ANXA6: variants seen among roughly 807,000 people sequenced by gnomAD.
The protein encoded by ANXA6 is annexin A6.
A neutral mutation model predicts 95.4 loss-of-function variants in ANXA6; 71 were observed. The observed-to-expected ratio is 0.74, with a 90% CI of 0.61 to 0.91. The LOEUF is 0.91. Among genes scored for constraint, ANXA6 ranks in the 40% least tolerant of loss-of-function variants. The pLI, the probability that ANXA6 is intolerant of heterozygous loss-of-function variation, is 0.00. For synonymous variants in ANXA6, 289 were observed against 315.9 expected, an observed-to-expected ratio of 0.91 and a Z score of 0.90; for missense variants, 830 against 876.4, an observed-to-expected ratio of 0.95 and a Z score of 0.67.
At chr5:151,137,160 G>A in intron 6 of ANXA6, 71 bp downstream of exon 6, 1 of 1,305,198 alleles carries the variant, frequency 7.7e-7, no homozygotes, top group Non-Finnish European at 1.1e-6. Flanking sequence ...TAGAATCTTA[G>A]TGTCCCCACT....
Position 151,129,469 on chromosome 5 carries a change from T to C in ANXA6, c.856A>G (p.Met286Val), listed in dbSNP as rs1582000260. 6.2e-7 allele frequency: 1 copy of C among 1,613,086 alleles called. No homozygotes were observed. Among genetic ancestry groups the C allele is most frequent in the Admixed American group, 1.7e-5 (1 of 59,940 alleles). ...CGGAAGATCTCCCGAATGTCGAGCA[T>C]GTCCAACTCACTACGGGAGACCATG... ...RIMVSRSELDMLDIREIFRTK... is the reference protein window; with the variant it reads ...RIMVSRSELDVLDIREIFRTK... Residue 286 changes from methionine to valine, a missense_variant, in exon 12 of 26, where the codon ATG becomes GTG. By Grantham distance (21) the Met-to-Val change is conservative (BLOSUM62 1). Coordinates refer to ENST00000354546, the MANE Select transcript of ANXA6 (RefSeq NM_001155.5).
At chr5:151,103,479 G>T in intron 25 of ANXA6, 91 bp downstream of exon 25, 1 of 1,369,128 alleles carries the variant, frequency 7.3e-7, no homozygotes, top group Non-Finnish European at 9.8e-7. Flanking sequence ...TAACCCACTG[G>T]AAAAAAGTCC....
chr5:151,154,617 C>A (rs938163100), intron 1 of ANXA6, among the ~76,000 whole-genome samples: 12 of 152,162 alleles, frequency 7.9e-5, no homozygotes, highest in African/African-American at 2.7e-4. Flanking sequence ...CCTCCAGGAG[C>A]CTTGATTCTG....
chr5:151,107,700 T>A (rs948803808), intron 23 of ANXA6, among the ~76,000 whole-genome samples: 3 of 152,254 alleles, frequency 2.0e-5, no homozygotes, highest in African/African-American at 7.2e-5. Flanking sequence ...TGAATATTAA[T>A]GAGAATAACT....
chr5:151,119,245 A>G (rs1347709361), intron 18 of ANXA6, 55 bp downstream of exon 18: 36 of 1,463,394 alleles, frequency 2.5e-5, no homozygotes, highest in Non-Finnish European at 3.2e-5. Context: ...TGGGGTTGGA[A>G]GTTGGGGGGC....
chr5:151,108,597 G>A (rs368758083), intron 22 of ANXA6, 47 bp from the exon 23 acceptor site: 1 of 1,550,264 alleles, frequency 6.5e-7, no homozygotes, highest in African/African-American at 1.4e-5. Flanking sequence ...TTCAGTGCAG[G>A]AGGCGGAGGA....
At chr5:151,147,372 C>T (rs763313557) in intron 2 of ANXA6, among the ~76,000 whole-genome samples, 12 of 152,238 alleles carry the variant, frequency 7.9e-5, no homozygotes, top group Admixed American at 5.9e-4. Flanking sequence ...CACCTCCTTG[C>T]TCCAAGAAAG....
chr5:151,153,889 G>A (rs1394592525), intron 1 of ANXA6, among the ~76,000 whole-genome samples: 3 of 152,116 alleles, frequency 2.0e-5, no homozygotes, highest in Non-Finnish European at 4.4e-5. Flanking sequence ...GTATCTGCAT[G>A]AGTCATAATT....
chr5:151,157,157 A>C (rs1766257782), intron 1 of ANXA6, among the ~76,000 whole-genome samples: 1 of 152,102 alleles, frequency 6.6e-6, no homozygotes, highest in Non-Finnish European at 1.5e-5. Flanking sequence ...GCCCTGAGGT[A>C]TGTACGACCG....
At chr5:151,155,025 A>C (rs997386548) in intron 1 of ANXA6, 2 of 152,162 alleles carry the variant, frequency 1.3e-5, no homozygotes, top group East Asian at 3.9e-4. Context: ...TATGATGAGG[A>C]TAAAAAAAAT....
chr5:151,132,968 T>C (rs1292941560), intron 9 of ANXA6, 126 bp downstream of exon 9: 1 of 768,830 alleles, frequency 1.3e-6, no homozygotes, highest in South Asian at 1.8e-5. Context: ...AACTCAGGAC[T>C]AAAGTTTGGG....
intron 19 of ANXA6, 71 bp from the exon 20 acceptor site, chr5:151,117,251 C>A: frequency 1.4e-6 from 2 of 1,432,274 alleles, no homozygotes; most frequent in Non-Finnish European, 1.9e-6. Flanking sequence ...CCACCACACA[C>A]CCTGCTCATT....
chr5:151,101,851 C>T (rs549537244), intron 25 of ANXA6, among the ~76,000 whole-genome samples: 3 of 152,218 alleles, frequency 2.0e-5, no homozygotes, highest in Admixed American at 6.5e-5. Flanking sequence ...TGTGCACCCC[C>T]AATCCCATTT....
intron 2 of ANXA6, among the ~76,000 whole-genome samples, chr5:151,144,183 C>T (rs770801530): frequency 2.0e-5 from 3 of 152,222 alleles, no homozygotes; most frequent in Non-Finnish European, 4.4e-5. Flanking sequence ...AAGACTCTAA[C>T]ATCCTAGTGT....
intron 24 of ANXA6, 147 bp from the exon 25 acceptor site, chr5:151,103,839 C>G: frequency 9.7e-7 from 1 of 1,030,818 alleles, no homozygotes; most frequent in Non-Finnish European, 1.3e-6. Flanking sequence ...GCAAACAGTC[C>G]TGACCAAAAT....
At chr5:151,117,633 G>A (rs1214902088) in intron 19 of ANXA6, 125 bp downstream of exon 19, 12 of 819,202 alleles carry the variant, frequency 1.5e-5, no homozygotes, top group East Asian at 2.7e-5. Flanking sequence ...GAGGCAAGTG[G>A]GGAGACACCC....
At chr5:151,115,370 G>A (rs529341611) in intron 20 of ANXA6, among the ~76,000 whole-genome samples, 3 of 152,288 alleles carry the variant, frequency 2.0e-5, no homozygotes, top group African/African-American at 7.2e-5. Flanking sequence ...CCTAAATCTG[G>A]AGAAGCAGCC....
chr5:151,134,462 C>A lies in ANXA6; in HGVS notation c.511G>T (p.Val171Leu), dbSNP rs185600013. 1.2e-5 allele frequency: 19 copies of A among 1,613,888 alleles called. No homozygotes were observed. In the South Asian group the frequency reaches 1.2e-4, roughly 10 times the overall value. ...TGTTGTACCAGGTCCTCGCTCACTACGTCATCCTCCTCCCTGGTTCCCTGG... is the reference window on the plus strand; with the variant it reads ...TGTTGTACCAGGTCCTCGCTCACTAAGTCATCCTCCTCCCTGGTTCCCTGG... Reference protein sequence around the residue: ...LLQGTREEDDVVSEDLVQQDV... With the variant: ...LLQGTREEDDLVSEDLVQQDV... The change falls in exon 8 of 26, where the codon GTA (valine) becomes TTA (leucine). Residue 171 changes from valine to leucine, a missense_variant. By Grantham distance (32) the Val-to-Leu change is conservative (BLOSUM62 1). Coordinates refer to ENST00000354546, the MANE Select transcript of ANXA6 (RefSeq NM_001155.5).
intron 2 of ANXA6, among the ~76,000 whole-genome samples, chr5:151,147,636 T>C (rs1310454425): frequency 6.6e-6 from 1 of 152,230 alleles, no homozygotes; most frequent in Non-Finnish European, 1.5e-5. Flanking sequence ...CCTGAAGCCC[T>C]GGGCCTCTCT....
Sources: allele counts gnomAD v4.1 joint callset (sites outside exome capture counted in the v4.1 genomes callset), GRCh38; gene constraint gnomAD v4.1.1; transcripts MANE v1.5; gene names NCBI Gene and HGNC (gene_info 2026-07-23, HGNC 2026-07-21).